The following KPNA4 variants were observed in gnomAD, a reference collection of about 807,000 sequenced individuals.
The protein encoded by KPNA4 is importin subunit alpha-3.
A neutral mutation model predicts 71.3 loss-of-function variants in KPNA4; 13 were observed. That is an observed-to-expected ratio of 0.18 (90% confidence interval 0.12 to 0.29). KPNA4 has a LOEUF of 0.29. KPNA4 is among the 10% of genes least tolerant of loss of function. The pLI is 1.00. For missense variants in KPNA4, 334 were observed against 603.2 expected, an observed-to-expected ratio of 0.55 and a Z score of 4.67; for synonymous variants, 189 against 195.2, an observed-to-expected ratio of 0.97 and a Z score of 0.26.
At chr3:160,504,931 T>A in intron 16 of KPNA4, 27 bp downstream of exon 16, 2 of 1,156,802 alleles carry the variant, frequency 1.7e-6, no homozygotes, top group South Asian at 1.8e-5. Context: ...TATATAAAAT[T>A]AAGAAAACTA....
intron 1 of KPNA4, among the ~76,000 whole-genome samples, chr3:160,548,948 T>C (rs540939625): frequency 5.8e-4 from 88 of 152,264 alleles, no homozygotes; most frequent in Admixed American, 1.4e-3. Context: ...TCACCAACAG[T>C]TATTTTGTTT....
At chr3:160,520,418 ATTT>A (rs59839490) in intron 11 of KPNA4, among the ~76,000 whole-genome samples, 3 of 137,328 alleles carry the variant, frequency 2.2e-5, no homozygotes, top group African/African-American at 5.4e-5. Flanking sequence ...TGCCTGGCTA[ATTT>A]TTTTTTTTTT....
At chr3:160,526,555 A>G (rs1721464167) in intron 8 of KPNA4, among the ~76,000 whole-genome samples, 1 of 152,232 alleles carries the variant, frequency 6.6e-6, no homozygotes, top group Non-Finnish European at 1.5e-5. Context: ...GTGGTTCTCA[A>G]TGTGATTATT....
chr3:160,501,861 T>C lies in KPNA4; in HGVS notation c.*243A>G, dbSNP rs948554828. ...ATAAGCATTCATGTAAAGTTTTCAT[T>C]ACATTTTGCCACTCATTCTCACTCG... On this transcript the variant is annotated 3_prime_UTR_variant, in exon 17 of 17. Transcript: ENST00000334256. 3.8e-5 allele frequency: 7 copies of C among 185,964 alleles called. No individual in the cohort carries two copies. The highest frequency in any genetic ancestry group is 1.8e-4 in the Admixed American group (3 of 16,530). The allele number at this position is 185,964 out of a possible 1,614,324, so 11.5% of individuals were successfully genotyped here.
At chr3:160,534,717 AG>A (rs1721647693) in intron 5 of KPNA4, among the ~76,000 whole-genome samples, 1 of 147,020 alleles carries the variant, frequency 6.8e-6, no homozygotes, top group Non-Finnish European at 1.5e-5. Context: ...ACTCCATCTC[AG>A]AAAAAAAAAA....
In KPNA4 at chr3:160,521,953, C is replaced by T. The variant is rs546980003; in HGVS notation, c.772-43G>A. The T allele has an allele frequency of 1.1e-4, 164 of 1,539,638 alleles. 2 individuals are homozygous for T. The South Asian group carries it at 1.8e-3, about 17-fold the overall frequency. On this transcript the variant is annotated intron_variant, in intron 10 of 16. Transcript: ENST00000334256. ...AATTCAAACAACTTTTAAATATTTT[C>T]TCATTTTAGTAATTCTTGACCAAAC...
intron 1 of KPNA4, among the ~76,000 whole-genome samples, chr3:160,539,626 A>G (rs889714496): frequency 2.0e-5 from 3 of 152,238 alleles, no homozygotes; most frequent in South Asian, 2.1e-4. Context: ...GCTTTGCATA[A>G]TATCACAATA....
In KPNA4 at chr3:160,502,212, A is replaced by G; in HGVS notation, c.1468-10T>C. ...TAGGGTCTTCATCAATCTAGGTGAA[A>G]AAAAAGAAAAAGAATGTGATAATTA... On this transcript the variant is annotated splice_polypyrimidine_tract_variant and intron_variant, in intron 16 of 16. Transcript: ENST00000334256. 2 of 1,445,416 alleles carry G rather than the reference A, an allele frequency of 1.4e-6. No individual in the cohort carries two copies. Among genetic ancestry groups the G allele is most frequent in the Non-Finnish European group, 1.9e-6 (2 of 1,051,240 alleles). The allele number at this position is 1,445,416 out of a possible 1,614,324, so 89.5% of individuals were successfully genotyped here. A position where few individuals can be genotyped will look rare whatever the true frequency, so the allele number is the denominator to read the frequency against.
At position 160,512,488 on chromosome 3, in the gene KPNA4, T is replaced by A. The variant is rs76060053; in HGVS notation, c.1137+1589A>T. On this transcript the variant is annotated intron_variant, in intron 13 of 16. Transcript: ENST00000334256. ...GGAACGAGTCATTCTAAAAAATGAC[T>A]GATAAGGACAAAGAATCAAACATTT... Among the ~76,000 whole-genome samples the A allele has an allele frequency of 1.8e-3, 279 of 152,336 alleles. 7 individuals are homozygous for A. The East Asian group carries it at 0.038, about 21-fold the overall frequency.
At chr3:160,512,831 A>AAAAACAAC (rs1721125364) in intron 13 of KPNA4, among the ~76,000 whole-genome samples, 1 of 152,174 alleles carries the variant, frequency 6.6e-6, no homozygotes, top group South Asian at 2.1e-4. Context: ...CCGTCTAAAA[A>AAAAACAAC]AAAACAACAA....
At position 160,499,996 on chromosome 3, in the gene KPNA4, A is replaced by G. The variant is rs2108540668; in HGVS notation, c.*2108T>C. Reference sequence around the variant, plus strand: ...GAAGCACTGATGGTGTCAACTGGACAAACTCAGTGGGCTAAAATATTAATA... The same window carrying G: ...GAAGCACTGATGGTGTCAACTGGACGAACTCAGTGGGCTAAAATATTAATA... On this transcript the variant is annotated 3_prime_UTR_variant, in exon 17 of 17. Transcript: ENST00000334256. 1 of 152,282 alleles carries G rather than the reference A, an allele frequency of 6.6e-6. No homozygotes were observed. The highest frequency in any genetic ancestry group is 6.5e-5 in the Admixed American group (1 of 15,302). 9.4% of individuals were successfully genotyped at this position (152,282 alleles called of 1,614,324 possible).
At chr3:160,511,443 GAC>G (rs1296445328) in intron 13 of KPNA4, among the ~76,000 whole-genome samples, 1 of 151,942 alleles carries the variant, frequency 6.6e-6, no homozygotes, top group Non-Finnish European at 1.5e-5. Flanking sequence ...AAACACTGGA[GAC>G]ATCTCAAATA....
In KPNA4 at chr3:160,495,684, A is replaced by G. The variant is rs1163810510; in HGVS notation, c.*6420T>C. 6.6e-6 allele frequency: 1 copy of G among 151,512 alleles called. No individual in the cohort carries two copies. The highest frequency in any genetic ancestry group is 2.4e-5 in the African/African-American group (1 of 41,176). The allele number at this position is 151,512 out of a possible 1,614,324, so 9.4% of individuals were successfully genotyped here. A position where few individuals can be genotyped will look rare whatever the true frequency, so the allele number is the denominator to read the frequency against. Reference sequence around the variant, plus strand: ...AGTGCGAGTTTTATCAGTGATACACATTGTGTACTGCATTGGGGGCTTACT... The same window carrying G: ...AGTGCGAGTTTTATCAGTGATACACGTTGTGTACTGCATTGGGGGCTTACT... On this transcript the variant is annotated 3_prime_UTR_variant, in exon 17 of 17. Transcript: ENST00000334256.
At chr3:160,563,206 G>A (rs1002924756) in intron 1 of KPNA4, among the ~76,000 whole-genome samples, 1 of 144,394 alleles carries the variant, frequency 6.9e-6, no homozygotes, top group East Asian at 2.0e-4. Flanking sequence ...AGGATCATTC[G>A]GCCATGAAAC....
intron 5 of KPNA4, 111 bp from the exon 6 acceptor site, chr3:160,531,668 G>T: frequency 2.0e-6 from 1 of 493,810 alleles, no homozygotes; most frequent in Non-Finnish European, 3.5e-6. Flanking sequence ...TGGTACAAGT[G>T]CCTTCTCTGA....
chr3:160,536,038 T>C (rs1721686616), intron 2 of KPNA4, 141 bp from the exon 3 acceptor site: 3 of 676,452 alleles, frequency 4.4e-6, no homozygotes, highest in Non-Finnish European at 6.2e-6. Context: ...AAAATTCAAA[T>C]GTAAAAAATT....
At chr3:160,548,507 T>C (rs1285495883) in intron 1 of KPNA4, among the ~76,000 whole-genome samples, 3 of 152,194 alleles carry the variant, frequency 2.0e-5, no homozygotes, top group Non-Finnish European at 2.9e-5. Context: ...CCTGTTTCTA[T>C]GCATTTGCCT....
In KPNA4 at chr3:160,499,885, A is replaced by T. The variant is rs1560041984; in HGVS notation, c.*2219T>A. The T allele has an allele frequency of 2.0e-5, 3 of 152,136 alleles. No homozygotes were observed. The highest frequency in any genetic ancestry group is 7.2e-5 in the African/African-American group (3 of 41,428). 9.4% of individuals were successfully genotyped at this position (152,136 alleles called of 1,614,324 possible). A position where few individuals can be genotyped will look rare whatever the true frequency, so the allele number is the denominator to read the frequency against. On this transcript the variant is annotated 3_prime_UTR_variant, in exon 17 of 17. Coordinates refer to ENST00000334256, the MANE Select transcript of KPNA4 (RefSeq NM_002268.5). The stretch of plus-strand genomic sequence containing the variant: ...AGCTATATGTTGAAGATATAGCAAT[A>T]CTCAAAATATAGTTCAAGTTGTCTC...
intron 11 of KPNA4, among the ~76,000 whole-genome samples, chr3:160,518,209 GCTCCGC>G (rs1353980693): frequency 4.0e-5 from 6 of 150,510 alleles, no homozygotes. Context: ...CTCACTGCAA[GCTCCGC>G]CTCCCGGGTT....
Sources: allele counts gnomAD v4.1 joint callset (sites outside exome capture counted in the v4.1 genomes callset), GRCh38; gene constraint gnomAD v4.1.1; transcripts MANE v1.5; gene names NCBI Gene and HGNC (gene_info 2026-07-23, HGNC 2026-07-21).